Variants in SUSD1 observed in about 807,000 individuals in gnomAD.
SUSD1 encodes the protein sushi domain-containing protein 1.
A neutral mutation model predicts 86.9 loss-of-function variants in SUSD1; 65 were observed. The ratio of observed to expected loss-of-function variants is 0.75; its 90% CI spans 0.61 to 0.92. SUSD1 has a LOEUF of 0.92. Among genes scored for constraint, SUSD1 ranks in the 40% least tolerant of loss-of-function variants. SUSD1 has a pLI of 0.00. For missense variants in SUSD1, 850 were observed against 929.7 expected, an observed-to-expected ratio of 0.91 and a Z score of 1.11; for synonymous variants, 346 against 350.0, an observed-to-expected ratio of 0.99 and a Z score of 0.13.
chr9:112,108,494 T>A (rs1199847196), intron 8 of SUSD1, among the ~76,000 whole-genome samples: 1 of 151,742 alleles, frequency 6.6e-6, no homozygotes, highest in East Asian at 1.9e-4. Context: ...AACAGAAATA[T>A]GGGCTGTGCA....
At chr9:112,051,692 A>G (rs974747644) in intron 15 of SUSD1, among the ~76,000 whole-genome samples, 4 of 151,890 alleles carry the variant, frequency 2.6e-5, no homozygotes, top group Admixed American at 1.3e-4. Context: ...CGGCCTCCCA[A>G]AGTGCTGGGA....
chr9:112,082,562 C>T (rs1829812703), intron 10 of SUSD1, among the ~76,000 whole-genome samples: 1 of 152,102 alleles, frequency 6.6e-6, no homozygotes, highest in Non-Finnish European at 1.5e-5. Flanking sequence ...GATCTAGAAA[C>T]TGGAAAGGGC....
At chr9:112,089,410 C>CATTAAAT (rs1830110925) in intron 10 of SUSD1, among the ~76,000 whole-genome samples, 1 of 152,090 alleles carries the variant, frequency 6.6e-6, no homozygotes, top group Non-Finnish European at 1.5e-5. Flanking sequence ...AATCAAAAAG[C>CATTAAAT]ATTAAATATG....
chr9:112,084,437 T>C (rs1451937153), intron 10 of SUSD1, among the ~76,000 whole-genome samples: 1 of 152,172 alleles, frequency 6.6e-6, no homozygotes, highest in African/African-American at 2.4e-5. Flanking sequence ...TATAATTATT[T>C]CATTTTTTAA....
chr9:112,136,179 T>A (rs776380377), intron 5 of SUSD1, among the ~76,000 whole-genome samples: 2 of 152,226 alleles, frequency 1.3e-5, no homozygotes, highest in Non-Finnish European at 2.9e-5. Context: ...AAAAGATCAG[T>A]ATATCGTGAG....
chr9:112,080,447 G>C (rs895691100), intron 10 of SUSD1, among the ~76,000 whole-genome samples: 2 of 152,100 alleles, frequency 1.3e-5, no homozygotes, highest in African/African-American at 4.8e-5. Context: ...CAGCACTTTG[G>C]GAGGCCAAGG....
intron 13 of SUSD1, among the ~76,000 whole-genome samples, chr9:112,060,523 G>C (rs1216116829): frequency 6.6e-6 from 1 of 152,194 alleles, no homozygotes; most frequent in Non-Finnish European, 1.5e-5. Context: ...GTTGTTGCAC[G>C]TATCACTGCC....
At chr9:112,101,833 C>T (rs181491969) in intron 9 of SUSD1, among the ~76,000 whole-genome samples, 70 of 151,872 alleles carry the variant, frequency 4.6e-4, no homozygotes, top group African/African-American at 1.5e-3. Context: ...GCAACAAGAG[C>T]GAAACTCAGT....
chr9:112,101,277 G>A (rs568310918), intron 9 of SUSD1, among the ~76,000 whole-genome samples: 41 of 151,960 alleles, frequency 2.7e-4, no homozygotes, highest in Non-Finnish European at 3.8e-4. Flanking sequence ...CACGAGAGTC[G>A]CTTGAATTTG....
chr9:112,067,812 C>A (rs1202688268), intron 12 of SUSD1, among the ~76,000 whole-genome samples: 2 of 152,078 alleles, frequency 1.3e-5, no homozygotes, highest in East Asian at 1.9e-4. Context: ...GCCTCCCCCC[C>A]AATCCCCCCA....
intron 15 of SUSD1, among the ~76,000 whole-genome samples, chr9:112,048,520 C>T (rs1828052783): frequency 6.6e-6 from 1 of 152,192 alleles, no homozygotes; most frequent in Admixed American, 6.5e-5. Context: ...TCCCATAAAA[C>T]TAACTGCTGC....
chr9:112,108,714 G>T (rs978359911), intron 8 of SUSD1, among the ~76,000 whole-genome samples: 2 of 148,596 alleles, frequency 1.3e-5, no homozygotes, highest in Non-Finnish European at 3.0e-5. Flanking sequence ...GGAGGTCAAG[G>T]TTGCTGTGAG....
Position 112,082,255 on chromosome 9 carries a change from A to G in SUSD1, c.1475-2090T>C, listed in dbSNP as rs185979724. The stretch of plus-strand genomic sequence containing the variant: ...AACATACAAAAACTGATCATTTTCT[A>G]TCTATCTTCAAGAACAAGTATGGTA... On this transcript the variant is annotated intron_variant, in intron 10 of 16. Coordinates refer to ENST00000374270, the MANE Select transcript of SUSD1 (RefSeq NM_022486.5). 8.5e-5 allele frequency among the ~76,000 whole-genome samples: 13 copies of G among 152,334 alleles called. No individual in the cohort carries two copies. In the East Asian group the frequency reaches 2.3e-3, roughly 27 times the overall value.
At chr9:112,078,753 ATGGT>A in intron 11 of SUSD1, 29 bp from the exon 12 acceptor site, 1 of 1,599,200 alleles carries the variant, frequency 6.3e-7, no homozygotes, top group Non-Finnish European at 8.6e-7. Context: ...CACTGGGTGA[ATGGT>A]TGGCCTAAAA....
In SUSD1 at chr9:112,079,573, C is replaced by G. The variant is rs1284164833; in HGVS notation, c.1566+501G>C. Among the ~76,000 whole-genome samples the G allele has an allele frequency of 2.0e-5, 3 of 151,610 alleles. No individual in the cohort carries two copies. In the East Asian group the frequency reaches 5.8e-4, roughly 29 times the overall value. ...CCCTTTTGTTCTTACTTAATTTCTT[C>G]CAGTAGAAGTTCATCCCAGTCTTCC... is the stretch of plus-strand genomic sequence containing the variant. On this transcript the variant is annotated intron_variant, in intron 11 of 16. Coordinates refer to ENST00000374270, the MANE Select transcript of SUSD1 (RefSeq NM_022486.5).
chr9:112,041,746 A>T (rs41280165), intron 16 of SUSD1, 121 bp downstream of exon 16: 20,270 of 931,224 alleles, frequency 0.022, 326 homozygotes, highest in Admixed American at 0.026. Flanking sequence ...TGCTCTGCTG[A>T]GCCAAGGACA....
intron 3 of SUSD1, chr9:112,146,325 G>A (rs1055651978): frequency 6.6e-6 from 1 of 152,214 alleles, no homozygotes; most frequent in Non-Finnish European, 1.5e-5. Flanking sequence ...AGACAGTGGT[G>A]ATGCTAGCAC....
intron 2 of SUSD1, among the ~76,000 whole-genome samples, chr9:112,156,179 A>G (rs1346756785): frequency 6.7e-6 from 1 of 150,352 alleles, no homozygotes; most frequent in African/African-American, 2.4e-5. Context: ...AAAAAAACTC[A>G]CTGGCCGGGC....
At chr9:112,106,989 G>A (rs1243741503) in intron 8 of SUSD1, among the ~76,000 whole-genome samples, 3 of 151,844 alleles carry the variant, frequency 2.0e-5, no homozygotes, top group Non-Finnish European at 4.4e-5. Flanking sequence ...AACAGTCCAG[G>A]AGCAGTGGCT....
Sources: allele counts gnomAD v4.1 joint callset (sites outside exome capture counted in the v4.1 genomes callset), GRCh38; gene constraint gnomAD v4.1.1; transcripts MANE v1.5; gene names NCBI Gene and HGNC (gene_info 2026-07-23, HGNC 2026-07-21).